ANXA8: variants seen among roughly 807,000 people sequenced by gnomAD.
ANXA8 encodes the protein annexin A8, also known as VAC-beta.
ANXA8 carries 9 observed loss-of-function variants against 26.8 expected under a neutral mutation model. The ratio of observed to expected loss-of-function variants is 0.34; its 90% confidence interval spans 0.20 to 0.59. The LOEUF (loss-of-function observed/expected upper bound fraction) is 0.59. ANXA8 is among the 20% of genes least tolerant of loss of function. ANXA8 has a pLI of 0.84. For synonymous variants in ANXA8, 39 were observed against 94.8 expected, an observed-to-expected ratio of 0.41 and a Z score of 3.42; for missense variants, 83 against 238.5, an observed-to-expected ratio of 0.35 and a Z score of 4.29.
chr10:47,691,128 C>T, the ANXA8 span: 6 of 1,609,168 alleles, frequency 3.7e-6, no homozygotes, highest in African/African-American at 1.3e-5. Flanking sequence ...GCAACAGTTA[C>T]AGTAAGTGAT....
the ANXA8 span, among the ~76,000 whole-genome samples, chr10:47,685,330 A>C: frequency 6.7e-6 from 1 of 150,218 alleles, no homozygotes; most frequent in Non-Finnish European, 1.5e-5. Flanking sequence ...TGGGTGACAA[A>C]AGCGAGAATC....
chr10:47,693,317 T>G, the ANXA8 span, among the ~76,000 whole-genome samples: 1 of 147,764 alleles, frequency 6.8e-6, no homozygotes, highest in Non-Finnish European at 1.5e-5. Flanking sequence ...TGAGACGGAG[T>G]CTGGCTCTGG....
the ANXA8 span, chr10:47,502,409 TCTC>T: frequency 6.2e-7 from 1 of 1,610,544 alleles, no homozygotes; most frequent in Non-Finnish European, 8.5e-7. Flanking sequence ...AGAAAGAGCT[TCTC>T]CTCATATTTG....
the ANXA8 span, chr10:47,730,570 A>G: frequency 9.6e-7 from 1 of 1,038,188 alleles, no homozygotes; most frequent in African/African-American, 1.6e-5. Context: ...TGCACTAGAT[A>G]TATAAATTAA....
At chr10:47,660,649 C>T in the ANXA8 span, among the ~76,000 whole-genome samples, 2 of 151,802 alleles carry the variant, frequency 1.3e-5, no homozygotes, top group Non-Finnish European at 2.9e-5. Context: ...GATCTGCCTG[C>T]CTCGGTCTCC....
At chr10:47,552,395 G>A in the ANXA8 span, among the ~76,000 whole-genome samples, 2 of 151,470 alleles carry the variant, frequency 1.3e-5, no homozygotes, top group African/African-American at 2.4e-5. Context: ...CCTAGACATC[G>A]ACTGGACTAA....
At chr10:47,489,297 C>T in the ANXA8 span, among the ~76,000 whole-genome samples, 2 of 144,132 alleles carry the variant, frequency 1.4e-5, no homozygotes, top group Non-Finnish European at 3.1e-5. Context: ...GGATTACAGG[C>T]ATGAGCCACC....
chr10:47,535,212 G>T, the ANXA8 span, among the ~76,000 whole-genome samples: 1 of 133,622 alleles, frequency 7.5e-6, no homozygotes, highest in Non-Finnish European at 1.5e-5. Flanking sequence ...GACCTCAGGT[G>T]ATCCGCCCAC....
chr10:47,475,274 C>T (rs1340091564), intron 6 of ANXA8, among the ~76,000 whole-genome samples: 114 of 149,210 alleles, frequency 7.6e-4, no homozygotes, highest in African/African-American at 2.6e-3. Flanking sequence ...GCTCTCCTCC[C>T]GCTTCCAGGA....
chr10:47,556,898 A>G, the ANXA8 span, among the ~76,000 whole-genome samples: 1 of 149,816 alleles, frequency 6.7e-6, no homozygotes, highest in African/African-American at 2.5e-5. Flanking sequence ...TTAAAATAAA[A>G]GATTTAGACA....
chr10:47,981,131 T>A, the ANXA8 span, among the ~76,000 whole-genome samples: 19 of 151,792 alleles, frequency 1.3e-4, no homozygotes, highest in Non-Finnish European at 2.7e-4. Flanking sequence ...ATTTCAGGAA[T>A]GCAAAGTTGG....
chr10:47,530,676 G>C, the ANXA8 span, among the ~76,000 whole-genome samples: 1 of 146,812 alleles, frequency 6.8e-6, no homozygotes, highest in African/African-American at 2.5e-5. Flanking sequence ...CTGGGTGACA[G>C]AGTGAGACTC....
At chr10:47,678,630 AT>A in the ANXA8 span, among the ~76,000 whole-genome samples, 1 of 151,940 alleles carries the variant, frequency 6.6e-6, no homozygotes, top group Non-Finnish European at 1.5e-5. Flanking sequence ...GAGAAAAAAA[AT>A]ACTAGAACAA....
the ANXA8 span, among the ~76,000 whole-genome samples, chr10:47,644,010 A>G: frequency 6.1e-5 from 6 of 98,264 alleles, no homozygotes; most frequent in African/African-American, 3.2e-4. Context: ...TGACACTCTC[A>G]AAAATGTGAT....
the ANXA8 span, among the ~76,000 whole-genome samples, chr10:47,949,726 C>A: frequency 6.7e-6 from 1 of 149,048 alleles, no homozygotes; most frequent in East Asian, 2.1e-4. Flanking sequence ...ATTGTATACC[C>A]TCATGCAACC....
At chr10:47,688,723 A>G in the ANXA8 span, among the ~76,000 whole-genome samples, 1 of 151,322 alleles carries the variant, frequency 6.6e-6, no homozygotes, top group African/African-American at 2.4e-5. Context: ...GCTCTGCCCC[A>G]AAATGACTAA....
In ANXA8 at chr10:47,474,290, C is replaced by T. The variant is rs1212625454; in HGVS notation, c.646+15G>A. The T allele has an allele frequency of 4.0e-3, 6,229 of 1,574,556 alleles. 194 individuals carry two copies. The African/African-American group carries it at 0.074, about 19-fold the overall frequency. ...CCCCCTGTGGCCCCGGCCCCAGCCC[C>T]TCCCTCCCTGGTACCTCTCAGCAGG... On this transcript the variant is annotated intron_variant, in intron 8 of 11. Transcript: ENST00000585281.
chr10:47,736,803 C>T, the ANXA8 span, among the ~76,000 whole-genome samples: 4 of 141,024 alleles, frequency 2.8e-5, no homozygotes, highest in Non-Finnish European at 6.2e-5. Flanking sequence ...TACAGGTGTG[C>T]ACCACCATGC....
the ANXA8 span, among the ~76,000 whole-genome samples, chr10:47,746,708 G>T: frequency 1.4e-5 from 2 of 138,314 alleles, no homozygotes; most frequent in African/African-American, 5.2e-5. Flanking sequence ...GCCTACCCTA[G>T]CTCAGACCAC....
Sources: allele counts gnomAD v4.1 joint callset (sites outside exome capture counted in the v4.1 genomes callset), GRCh38; gene constraint gnomAD v4.1.1; transcripts MANE v1.5; gene names NCBI Gene and HGNC (gene_info 2026-07-23, HGNC 2026-07-21).